The following FAM186A variants were observed in gnomAD, a reference collection of about 807,000 sequenced individuals.
The protein encoded by FAM186A is family with sequence similarity 186 member A.
FAM186A carries 163 observed loss-of-function variants against 216.8 expected under a neutral mutation model. The ratio of observed to expected loss-of-function variants is 0.75; its 90% confidence interval spans 0.66 to 0.86. The LOEUF (loss-of-function observed/expected upper bound fraction) is 0.86. Among genes scored for constraint, FAM186A ranks in the 40% least tolerant of loss-of-function variants. The pLI is 0.00. For synonymous variants in FAM186A, 805 were observed against 1,025.3 expected (o/e 0.79, Z 4.10); for missense variants, 2,184 against 2,746.2 (o/e 0.80, Z 4.58).
At chr12:50,395,574 T>G (rs1297221614) in intron 1 of FAM186A, among the ~76,000 whole-genome samples, 2 of 152,002 alleles carry the variant, frequency 1.3e-5, no homozygotes, top group African/African-American at 4.8e-5. Context: ...CTTCCCAAAG[T>G]GTTGGGATTA....
At chr12:50,333,283 A>G (rs1395589048) in intron 5 of FAM186A, among the ~76,000 whole-genome samples, 2 of 151,790 alleles carry the variant, frequency 1.3e-5, no homozygotes, top group Admixed American at 6.6e-5. Flanking sequence ...TGTAATCCCA[A>G]CACTTTGGGA....
intron 4 of FAM186A, among the ~76,000 whole-genome samples, chr12:50,342,936 TA>T (rs1565880807): frequency 1.9e-5 from 1 of 53,704 alleles, no homozygotes; most frequent in African/African-American, 6.5e-5. Flanking sequence ...CAAGACTAGA[TA>T]ATTTTTTTTT....
At chr12:50,333,300 G>A (rs1405252549) in intron 5 of FAM186A, among the ~76,000 whole-genome samples, 1 of 152,012 alleles carries the variant, frequency 6.6e-6, no homozygotes. Context: ...GGGAGGTTGA[G>A]GCGGGTGGAT....
chr12:50,392,715 C>T (rs534865316), intron 1 of FAM186A: 1 of 151,600 alleles, frequency 6.6e-6, no homozygotes, highest in Non-Finnish European at 1.5e-5. Context: ...TCTACTGCCT[C>T]AGCCTCCCGA....
chr12:50,349,786 G>A (rs980381577), intron 4 of FAM186A, among the ~76,000 whole-genome samples: 9 of 152,004 alleles, frequency 5.9e-5, no homozygotes, highest in African/African-American at 1.7e-4. Context: ...AGTAATCCTG[G>A]GATTACAGGT....
At chr12:50,374,835 T>C (rs1365491179) in intron 1 of FAM186A, among the ~76,000 whole-genome samples, 2 of 152,186 alleles carry the variant, frequency 1.3e-5, no homozygotes, top group Non-Finnish European at 2.9e-5. Context: ...AGAAGCAACA[T>C]GGTTTCTATT....
rs142324631 is a variant in FAM186A at position 50,393,876 on chromosome 12, A to G, written c.192+2417T>C. Among the ~76,000 whole-genome samples the G allele has an allele frequency of 3.2e-4, 48 of 152,306 alleles. 1 individual carries two copies. The highest frequency in any genetic ancestry group is 1.4e-3 in the Admixed American group (21 of 15,282). ...TTGTTGCTAGTTGCCAGAAGTTGGAACAGGAGAAAGTCTGTGTGAGGAGTG... is the reference window on the plus strand; with the variant it reads ...TTGTTGCTAGTTGCCAGAAGTTGGAGCAGGAGAAAGTCTGTGTGAGGAGTG... On this transcript the variant is annotated intron_variant, in intron 1 of 7. Coordinates refer to ENST00000327337, the MANE Select transcript of FAM186A (RefSeq NM_001145475.3).
Position 50,354,102 on chromosome 12 carries a change from TCTTTG to T in FAM186A, c.2725_2729del (p.Gln909ArgfsTer86), listed in dbSNP as rs1565886421. ...TTGGAAGCTCTTCTTCCTCCTGTCC[TCTTTG>T]CTTTTGCTTTTCCTCTTGCTCAGCC... On this transcript the variant is annotated frameshift_variant, in exon 4 of 8. Coordinates refer to ENST00000327337, the MANE Select transcript of FAM186A (RefSeq NM_001145475.3). LOFTEE classifies it high-confidence loss of function. 3 of 1,551,746 alleles carry T rather than the reference TCTTTG, an allele frequency of 1.9e-6. No individual in the cohort carries two copies. The highest frequency in any genetic ancestry group is 2.6e-6 in the Non-Finnish European group (3 of 1,147,006).
Position 50,358,838 on chromosome 12 carries a change from G to A in FAM186A, c.583+1918C>T, listed in dbSNP as rs544824218. On this transcript the variant is annotated intron_variant, in intron 3 of 7. Transcript: ENST00000327337. ...CTCGGGAGGCTGAGGCAGGAGAATC[G>A]CTTGAACCCAGGAGGTGGAGGTTGT... 2.7e-3 allele frequency among the ~76,000 whole-genome samples: 399 copies of A among 148,078 alleles called. 1 individual carries two copies. The highest frequency in any genetic ancestry group is 3.6e-3 in the Middle Eastern group (1 of 280).
chr12:50,361,006 A>G, intron 2 of FAM186A, 80 bp from the exon 3 acceptor site: 8 of 1,005,844 alleles, frequency 8.0e-6, no homozygotes, highest in Non-Finnish European at 1.1e-5. Context: ...ATATTGGGTA[A>G]CTACTCAATA....
rs546296477 is a variant in FAM186A at position 50,359,533 on chromosome 12, A to G, written c.583+1223T>C. 3.3e-5 allele frequency among the ~76,000 whole-genome samples: 5 copies of G among 152,304 alleles called. No homozygotes were observed. In the South Asian group the frequency reaches 8.3e-4, roughly 25 times the overall value. On this transcript the variant is annotated intron_variant, in intron 3 of 7. Transcript: ENST00000327337. Reference sequence around the variant, plus strand: ...AAGAGTTTCTTTAAAAGTTAAACATAAACTTACCATATGTCCTAGCAATTC... The same window carrying G: ...AAGAGTTTCTTTAAAAGTTAAACATGAACTTACCATATGTCCTAGCAATTC...
At chr12:50,359,593 G>A (rs1312106542) in intron 3 of FAM186A, among the ~76,000 whole-genome samples, 1 of 151,970 alleles carries the variant, frequency 6.6e-6, no homozygotes, top group African/African-American at 2.4e-5. Flanking sequence ...AAAAAAATGG[G>A]TAAATAATGG....
At chr12:50,343,622 T>A (rs1179398009) in intron 4 of FAM186A, among the ~76,000 whole-genome samples, 1 of 151,734 alleles carries the variant, frequency 6.6e-6, no homozygotes, top group Non-Finnish European at 1.5e-5. Flanking sequence ...TCTCTCTTTT[T>A]TCTTTTTTTT....
At chr12:50,365,353 A>G (rs1449267729) in intron 1 of FAM186A, among the ~76,000 whole-genome samples, 1 of 152,184 alleles carries the variant, frequency 6.6e-6, no homozygotes, top group Admixed American at 6.6e-5. Context: ...TACACACTGA[A>G]ATGCATGTTA....
chr12:50,342,063 AAACTT>A (rs1375222619), intron 4 of FAM186A, among the ~76,000 whole-genome samples: 1 of 152,206 alleles, frequency 6.6e-6, no homozygotes, highest in Admixed American at 6.5e-5. Context: ...ACTGCCTGCC[AAACTT>A]AACTTATGAA....
chr12:50,368,213 C>T (rs1943109301), intron 1 of FAM186A, among the ~76,000 whole-genome samples: 1 of 151,244 alleles, frequency 6.6e-6, no homozygotes, highest in Non-Finnish European at 1.5e-5. Context: ...ACAAGCCTGG[C>T]CAACATGGTG....
intron 3 of FAM186A, 73 bp downstream of exon 3, chr12:50,360,683 A>AT: frequency 7.2e-7 from 1 of 1,383,484 alleles, no homozygotes; most frequent in African/African-American, 1.5e-5. Flanking sequence ...AGACTGAAAA[A>AT]AAAAAAAGTT....
intron 6 of FAM186A, 67 bp downstream of exon 6, chr12:50,331,603 G>C (rs1307498931): frequency 4.6e-5 from 65 of 1,408,574 alleles, no homozygotes; most frequent in Non-Finnish European, 6.1e-5. Context: ...GAAGTTCTTG[G>C]GCAGGGAAAA....
At chr12:50,329,310 A>G (rs980309887) in intron 7 of FAM186A, among the ~76,000 whole-genome samples, 3 of 152,100 alleles carry the variant, frequency 2.0e-5, no homozygotes, top group African/African-American at 7.2e-5. Context: ...AATTAACAAT[A>G]TTATCTCTCA....
Sources: allele counts gnomAD v4.1 joint callset (sites outside exome capture counted in the v4.1 genomes callset), GRCh38; gene constraint gnomAD v4.1.1; transcripts MANE v1.5; gene names NCBI Gene and HGNC (gene_info 2026-07-23, HGNC 2026-07-21).